The following CHN2 variants were observed in gnomAD, a reference collection of about 807,000 sequenced individuals.
CHN2 encodes the protein beta-chimaerin.
CHN2 carries 35 observed loss-of-function variants against 56.3 expected under a neutral mutation model. The observed-to-expected ratio is 0.62, with a 90% CI of 0.47 to 0.82. The LOEUF (loss-of-function observed/expected upper bound fraction) is 0.82. Ranked by LOEUF, CHN2 falls within the 40% of genes least tolerant of loss-of-function variation. The probability of loss-of-function intolerance (pLI) is 0.00; values close to 1 mark genes in which losing one functional copy is unlikely to be tolerated. For missense variants in CHN2, 491 were observed against 580.5 expected (o/e 0.85, Z 1.58); for synonymous variants, 210 against 212.8 (o/e 0.99, Z 0.12).
At chr7:29,195,625 AGAGAGTGTGTGTGT>A (rs747464254) in intron 1 of CHN2, among the ~76,000 whole-genome samples, 8 of 116,056 alleles carry the variant, frequency 6.9e-5, no homozygotes, top group Non-Finnish European at 1.3e-4. Context: ...AGAGAGAGAG[AGAGAGTGTGTGTGT>A]GTGTGTGTGT....
chr7:29,415,676 A>C (rs1651083534), intron 6 of CHN2, among the ~76,000 whole-genome samples: 1 of 152,140 alleles, frequency 6.6e-6, no homozygotes, highest in Admixed American at 6.5e-5. Context: ...CACATAAAGT[A>C]GTCTCCAAAG....
At chr7:29,474,233 A>G (rs1340649396) in intron 6 of CHN2, among the ~76,000 whole-genome samples, 2 of 152,172 alleles carry the variant, frequency 1.3e-5, no homozygotes, top group Non-Finnish European at 2.9e-5. Flanking sequence ...GTCTTTGTTA[A>G]TGTCTACATA....
At chr7:29,469,514 A>T (rs1174479156) in intron 6 of CHN2, among the ~76,000 whole-genome samples, 1 of 151,918 alleles carries the variant, frequency 6.6e-6, no homozygotes, top group African/African-American at 2.4e-5. Flanking sequence ...GCTGTTCCTG[A>T]TCTTTGCTAT....
intron 4 of CHN2, chr7:29,398,088 T>A: frequency 4.1e-6 from 1 of 241,622 alleles, no homozygotes; most frequent in Non-Finnish European, 7.9e-6. Flanking sequence ...TTGAGTAACC[T>A]GGCTTTTTGT....
intron 7 of CHN2, among the ~76,000 whole-genome samples, chr7:29,495,218 G>A (rs990283818): frequency 1.3e-5 from 2 of 152,044 alleles, no homozygotes; most frequent in Non-Finnish European, 2.9e-5. Flanking sequence ...TAATACAGGA[G>A]GACCTATGCC....
In CHN2 at chr7:29,400,979, ATCT is replaced by A. The variant is rs373419532; in HGVS notation, c.576+155_576+157del. On this transcript the variant is annotated intron_variant, in intron 6 of 12. Coordinates refer to ENST00000222792, the MANE Select transcript of CHN2 (RefSeq NM_004067.4). ...TGTTAGGGCCAAAGGGACCTTAGAA[ATCT>A]TCTAGCTCAGGCCGGGCGTGGTGGC... 900 of 759,090 alleles carry A rather than the reference ATCT, an allele frequency of 1.2e-3. 4 individuals are homozygous for A. The African/African-American group carries it at 0.014, about 11-fold the overall frequency. 47.0% of individuals were successfully genotyped at this position (759,090 alleles called of 1,614,324 possible).
At chr7:29,286,211 TC>T (rs1345274983) in intron 1 of CHN2, among the ~76,000 whole-genome samples, 73 of 132,442 alleles carry the variant, frequency 5.5e-4, no homozygotes, top group Non-Finnish European at 1.0e-3. Flanking sequence ...TTCTCTCTCA[TC>T]TTTTTTTTTT....
intron 1 of CHN2, among the ~76,000 whole-genome samples, chr7:29,338,056 G>T (rs752768276): frequency 2.0e-5 from 3 of 152,150 alleles, no homozygotes; most frequent in African/African-American, 4.8e-5. Flanking sequence ...AAGGGGTAAG[G>T]TTTAGGTTGG....
intron 1 of CHN2, among the ~76,000 whole-genome samples, chr7:29,324,093 G>A (rs1366865067): frequency 6.6e-6 from 1 of 152,154 alleles, no homozygotes; most frequent in Non-Finnish European, 1.5e-5. Flanking sequence ...TTTGGGAGGT[G>A]GGGGGCGGGC....
At chr7:29,387,531 C>G (rs1173854091) in intron 3 of CHN2, among the ~76,000 whole-genome samples, 1 of 152,214 alleles carries the variant, frequency 6.6e-6, no homozygotes, top group African/African-American at 2.4e-5. Context: ...TGTGTGGCAG[C>G]TTCTCAAACT....
intron 6 of CHN2, among the ~76,000 whole-genome samples, chr7:29,471,157 A>G (rs1418213248): frequency 1.3e-5 from 2 of 152,224 alleles, no homozygotes; most frequent in Non-Finnish European, 2.9e-5. Context: ...TTGGACTAAG[A>G]CTTTTAAAGT....
intron 1 of CHN2, among the ~76,000 whole-genome samples, chr7:29,273,343 GTA>G (rs55722880): frequency 0.07 from 4,030 of 57,236 alleles, 80 homozygotes; most frequent in Middle Eastern, 0.1. Context: ...ATATATATGT[GTA>G]TATATATATA....
intron 2 of CHN2, among the ~76,000 whole-genome samples, chr7:29,173,484 G>A (rs111316830): frequency 3.1e-4 from 47 of 152,216 alleles, no homozygotes; most frequent in African/African-American, 8.9e-4. Flanking sequence ...ATGAGGAACA[G>A]TGTACAATAT....
chr7:29,340,729 G>A (rs1481504778), intron 1 of CHN2, among the ~76,000 whole-genome samples: 1 of 152,200 alleles, frequency 6.6e-6, no homozygotes, highest in Non-Finnish European at 1.5e-5. Flanking sequence ...TTCCCTCACA[G>A]GCCAGGAGTG....
intron 1 of CHN2, among the ~76,000 whole-genome samples, chr7:29,224,996 G>A (rs1339924983): frequency 2.6e-5 from 4 of 152,138 alleles, no homozygotes; most frequent in East Asian, 1.9e-4. Flanking sequence ...CTGGGCTTTG[G>A]AAGTAATTTA....
intron 6 of CHN2, among the ~76,000 whole-genome samples, chr7:29,403,671 A>AAAAAAAAAAAAAGTTGTGATGGTTAGCC (rs1802411005): frequency 7.5e-6 from 1 of 134,170 alleles, no homozygotes; most frequent in Non-Finnish European, 1.5e-5. Context: ...AGGAAGGCAG[A>AAAAAAAAAAAAAGTTGTGATGGTTAGCC]AAAAAAAAAA....
At chr7:29,303,965 C>T (rs1311677828) in intron 1 of CHN2, among the ~76,000 whole-genome samples, 1 of 151,956 alleles carries the variant, frequency 6.6e-6, no homozygotes, top group African/African-American at 2.4e-5. Context: ...GAGGCTGAGG[C>T]ACGAGAATGG....
At chr7:29,460,258 A>G (rs569815006) in intron 6 of CHN2, among the ~76,000 whole-genome samples, 2 of 152,288 alleles carry the variant, frequency 1.3e-5, no homozygotes, top group Admixed American at 1.3e-4. Flanking sequence ...CCGCCCTCAA[A>G]TAGAGCTTGC....
intron 6 of CHN2, among the ~76,000 whole-genome samples, chr7:29,418,050 G>A (rs537718251): frequency 2.6e-5 from 4 of 152,226 alleles, no homozygotes; most frequent in Non-Finnish European, 5.9e-5. Flanking sequence ...ACAGTCTGCT[G>A]AGTCAAGTGG....
Sources: gnomAD v4.1 joint callset for allele counts (sites outside exome capture counted in the v4.1 genomes callset) on GRCh38, gnomAD v4.1.1 for gene constraint, MANE v1.5 for transcripts, NCBI Gene and HGNC (gene_info 2026-07-23, HGNC 2026-07-21) for gene names.